The following RSRP1 variants were observed in gnomAD, a reference collection of about 807,000 sequenced individuals.
RSRP1 encodes arginine and serine rich protein 1.
In RSRP1, 37 loss-of-function variants were observed where a neutral mutation model predicts 33.0. That is an observed-to-expected ratio of 1.12 (90% CI 0.86 to 1.48). The LOEUF (loss-of-function observed/expected upper bound fraction) is 1.48. Among genes scored for constraint, RSRP1 ranks in the 40% most tolerant of loss-of-function variants. The pLI is 0.00. For synonymous variants in RSRP1, 167 were observed against 158.7 expected (o/e 1.05, Z -0.40); for missense variants, 402 against 385.3 (o/e 1.04, Z -0.36).
chr1:25,300,351 A>G (rs1378469226), intron 1 of RSRP1, among the ~76,000 whole-genome samples: 1 of 129,902 alleles, frequency 7.7e-6, no homozygotes, highest in Non-Finnish European at 1.8e-5. Context: ...ATCTTTACAC[A>G]AAATTTAAAA....
intron 1 of RSRP1, 97 bp from the exon 2 acceptor site, chr1:25,247,126 CG>C (rs1200195208): frequency 2.7e-6 from 2 of 744,340 alleles, no homozygotes; most frequent in African/African-American, 3.6e-5. Flanking sequence ...GGCGGAGCCA[CG>C]GCGCGGGCGG....
rs569725025 is a variant in RSRP1 at position 25,302,531 on chromosome 1, A to G, written c.-67+35447T>C. The stretch of plus-strand genomic sequence containing the variant: ...CCCAGCAAGGCAGGAGTGGGTGTCA[A>G]CTCAGGGAAGCCCAGAGGCTAATCC... On this transcript the variant is annotated intron_variant, in intron 1 of 1. Coordinates refer to the RSRP1 transcript ENST00000561867. Among the ~76,000 whole-genome samples, 18 of 129,952 alleles carry G rather than the reference A, an allele frequency of 1.4e-4. 3 individuals are homozygous for G. Among genetic ancestry groups the G allele is most frequent in the South Asian group, 4.7e-4 (2 of 4,246 alleles). The allele number at this position is 129,952 out of a possible 152,430, so 85.3% of individuals were successfully genotyped here.
chr1:25,256,010 T>A (rs1314591751), intron 1 of RSRP1, among the ~76,000 whole-genome samples: 1 of 152,110 alleles, frequency 6.6e-6, no homozygotes, highest in African/African-American at 2.4e-5. Context: ...TGGCAAAGGG[T>A]GATACATATC....
chr1:25,288,446 C>T (rs1439809038), intron 1 of RSRP1, among the ~76,000 whole-genome samples: 4 of 128,250 alleles, frequency 3.1e-5, no homozygotes, highest in African/African-American at 5.3e-5. Context: ...TCCCAAAGTG[C>T]GAAGATTACA....
At position 25,289,799 on chromosome 1, in the gene RSRP1, G is replaced by A. The variant is rs1480654237; in HGVS notation, c.-66-42770C>T. On this transcript the variant is annotated intron_variant, in intron 1 of 1. Coordinates refer to the RSRP1 transcript ENST00000561867. ...TATTCTTAGTTGACAGGCTCATGGT[G>A]TAGCCTGTCTAGATCATAAGTACAT... Among the ~76,000 whole-genome samples the A allele has an allele frequency of 2.4e-5, 3 of 126,060 alleles. 1 individual carries two copies. Among genetic ancestry groups the A allele is most frequent in the East Asian group, 2.0e-4 (1 of 5,070 alleles). 82.7% of individuals were successfully genotyped at this position (126,060 alleles called of 152,430 possible). A position where few individuals can be genotyped will look rare whatever the true frequency, so the allele number is the denominator to read the frequency against.
rs1644628470 is a variant in RSRP1, at chr1:25,320,246, G to C, written c.-67+17732C>G. Among the ~76,000 whole-genome samples the C allele has an allele frequency of 1.5e-5, 2 of 131,790 alleles. 1 individual carries two copies. The highest frequency in any genetic ancestry group is 5.2e-5 in the African/African-American group (2 of 38,654). 86.5% of individuals were successfully genotyped at this position (131,790 alleles called of 152,430 possible). Reference sequence around the variant, plus strand: ...AAGAACACAAAACGCTTGGGCTGCTGAGAGATTAGAACAACAACCCTCCAC... The same window carrying C: ...AAGAACACAAAACGCTTGGGCTGCTCAGAGATTAGAACAACAACCCTCCAC... On this transcript the variant is annotated intron_variant, in intron 1 of 1. Transcript: ENST00000561867.
intron 1 of RSRP1, chr1:25,330,321 C>CTA (rs1320802076): frequency 3.0e-5 from 4 of 132,788 alleles, no homozygotes; most frequent in Non-Finnish European, 5.4e-5. Flanking sequence ...CTGAACATAG[C>CTA]TATATGTATG....
chr1:25,268,501 A>G (rs1180611313), intron 1 of RSRP1, among the ~76,000 whole-genome samples: 1 of 131,252 alleles, frequency 7.6e-6, no homozygotes, highest in East Asian at 2.0e-4. Flanking sequence ...CCTGGGTGAC[A>G]GAGTACTCCG....
chr1:25,301,110 G>C, intron 1 of RSRP1: 1 of 1,374,436 alleles, frequency 7.3e-7, no homozygotes, highest in Non-Finnish European at 1.0e-6. Context: ...ACAAGGTGGG[G>C]TGAGTGGTCT....
chr1:25,290,628 C>T lies in RSRP1; in HGVS notation c.-66-43599G>A, dbSNP rs374216672. 2.0e-5 allele frequency: 27 copies of T among 1,372,900 alleles called. 5 individuals carry two copies. The highest frequency in any genetic ancestry group is 9.0e-5 in the East Asian group (4 of 44,670). The allele number at this position is 1,372,900 out of a possible 1,614,324, so 85.0% of individuals were successfully genotyped here. ...TCCTTCTCAGTCGTCCTGGCTCTCC[C>T]TCTCTCCCCCAGTATTCGGCTGGCC... is the stretch of plus-strand genomic sequence containing the variant. On this transcript the variant is annotated intron_variant, in intron 1 of 1. Coordinates refer to the RSRP1 transcript ENST00000561867.
Position 25,321,259 on chromosome 1 carries a change from G to A in RSRP1, c.-67+16719C>T, listed in dbSNP as rs570634004. 6.4e-5 allele frequency among the ~76,000 whole-genome samples: 8 copies of A among 125,656 alleles called. 2 individuals carry two copies. The East Asian group carries it at 7.9e-4, about 12-fold the overall frequency. 82.4% of individuals were successfully genotyped at this position (125,656 alleles called of 152,430 possible). On this transcript the variant is annotated intron_variant, in intron 1 of 1. Transcript: ENST00000561867. ...ATATGTCTTACATGGATCAGCTTTC[G>A]TGGGGCCCTTTTACTCCATCTGGGG... is the stretch of plus-strand genomic sequence containing the variant.
chr1:25,284,771 G>A, intron 1 of RSRP1: 1 of 1,387,868 alleles, frequency 7.2e-7, no homozygotes, highest in Non-Finnish European at 1.0e-6. Flanking sequence ...TATTGGGATG[G>A]TGGCTGGATC....
chr1:25,256,584 A>AG (rs1466993049), intron 1 of RSRP1, among the ~76,000 whole-genome samples: 1 of 152,112 alleles, frequency 6.6e-6, no homozygotes. Context: ...AGCTCCCACC[A>AG]GTAGCTGGTA....
At chr1:25,306,629 A>T (rs1272393314) in intron 1 of RSRP1, 1 of 1,378,428 alleles carries the variant, frequency 7.3e-7, no homozygotes, top group African/African-American at 1.4e-5. Context: ...GATTCCCCAC[A>T]GCTCCATCAT....
chr1:25,306,608 C>G, intron 1 of RSRP1: 1 of 1,378,118 alleles, frequency 7.3e-7, no homozygotes, highest in Non-Finnish European at 1.0e-6. Flanking sequence ...GTGTTGTAAC[C>G]GAGTGCTGGG....
At chr1:25,249,166 A>G (rs1639691504), upstream of RSRP1, among the ~76,000 whole-genome samples, 1 of 152,126 alleles carries the variant, frequency 6.6e-6, no homozygotes, top group African/African-American at 2.4e-5. Context: ...AATAATAATA[A>G]TAACAACACG....
In RSRP1 at chr1:25,281,529, C is replaced by A. The variant is rs1311577679; in HGVS notation, c.-66-34500G>T. 5.3e-5 allele frequency among the ~76,000 whole-genome samples: 7 copies of A among 132,076 alleles called. 1 individual carries two copies. Among genetic ancestry groups the A allele is most frequent in the African/African-American group, 1.8e-4 (7 of 38,518 alleles). The allele number at this position is 132,076 out of a possible 152,430, so 86.6% of individuals were successfully genotyped here. On this transcript the variant is annotated intron_variant, in intron 1 of 1. Coordinates refer to the RSRP1 transcript ENST00000561867. The stretch of plus-strand genomic sequence containing the variant: ...CTGAAGTGGGGCATGCAGTCTCCAA[C>A]TGAACACAAGCCTCACTGCTCCCGC...
In RSRP1 at chr1:25,246,599, C is replaced by A. The variant is rs771677153; in HGVS notation, c.365G>T (p.Arg122Leu). The A allele has an allele frequency of 3.7e-6, 6 of 1,614,162 alleles. No individual in the cohort carries two copies. In the Admixed American group the frequency reaches 6.7e-5, roughly 18 times the overall value. ...CGCCCTTCCGCAGTACGACCTTCCC[C>A]GAGAGCGCGACCTGCTACGGGACCG... Reference protein sequence around the residue: ...RSRSRSRSRSRGRSYCGRAYA... With the variant: ...RSRSRSRSRSLGRSYCGRAYA... The change falls in exon 2 of 5, where the codon CGG (arginine) becomes CTG (leucine). Residue 122 changes from arginine to leucine, a missense_variant. Arg to Leu is a moderately radical substitution (Grantham distance 102, BLOSUM62 -2). Coordinates refer to ENST00000243189, the MANE Select transcript of RSRP1 (RefSeq NM_020317.5).
chr1:25,260,758 T>A (rs532249282), intron 1 of RSRP1, among the ~76,000 whole-genome samples: 27 of 151,886 alleles, frequency 1.8e-4, no homozygotes, highest in Non-Finnish European at 8.8e-5. Context: ...TGTGTCCTCA[T>A]AGAGCCTGTC....
Sources: gnomAD v4.1 joint callset for allele counts (sites outside exome capture counted in the v4.1 genomes callset) on GRCh38, gnomAD v4.1.1 for gene constraint, MANE v1.5 for transcripts, NCBI Gene and HGNC (gene_info 2026-07-23, HGNC 2026-07-21) for gene names.